The following NFYC variants were observed in gnomAD, a reference collection of about 807,000 sequenced individuals.
NFYC encodes the protein nuclear transcription factor Y subunit gamma.
A neutral mutation model predicts 53.1 loss-of-function variants in NFYC; 25 were observed. That is an observed-to-expected ratio of 0.47 (90% CI 0.34 to 0.66). The LOEUF (loss-of-function observed/expected upper bound fraction) is 0.66, where lower values mean the gene tolerates loss of function less well. Among genes scored for constraint, NFYC ranks in the 30% least tolerant of loss-of-function variants. The probability of loss-of-function intolerance (pLI) is 0.01; values close to 1 mark genes in which losing one functional copy is unlikely to be tolerated. For synonymous variants in NFYC, 145 were observed against 152.6 expected (o/e 0.95, Z 0.37); for missense variants, 260 against 422.7 (o/e 0.62, Z 3.38).
chr1:40,708,512 C>G (rs1643827927), intron 1 of NFYC, among the ~76,000 whole-genome samples: 1 of 152,138 alleles, frequency 6.6e-6, no homozygotes, highest in African/African-American at 2.4e-5. Flanking sequence ...GTCATTCCCC[C>G]CAACCCCTTA....
At chr1:40,696,833 T>G (rs1306538745) in intron 1 of NFYC, among the ~76,000 whole-genome samples, 1 of 152,252 alleles carries the variant, frequency 6.6e-6, no homozygotes, top group East Asian at 1.9e-4. Context: ...CTTACAGTCT[T>G]TCTTTTCATT....
chr1:40,734,922 A>G (rs1251453173), intron 1 of NFYC: 1 of 152,148 alleles, frequency 6.6e-6, no homozygotes, highest in East Asian at 1.9e-4. Context: ...CGAAGTCAGG[A>G]ATTTATAAAA....
In NFYC at chr1:40,753,086, G is replaced by A. The variant is rs1225270042; in HGVS notation, c.292-65G>A. ...AAAGTCGTCTTACCTTACTTGGAGGGTATAAAGCCAAGTGAACTAGTTTCT... is the reference window on the plus strand; with the variant it reads ...AAAGTCGTCTTACCTTACTTGGAGGATATAAAGCCAAGTGAACTAGTTTCT... On this transcript the variant is annotated intron_variant, in intron 4 of 9. Coordinates refer to ENST00000447388, the MANE Select transcript of NFYC (RefSeq NM_014223.5). The A allele has an allele frequency of 5.9e-6, 7 of 1,189,390 alleles. No homozygotes were observed. In the Admixed American group the frequency reaches 1.0e-4, roughly 18 times the overall value. 73.7% of individuals were successfully genotyped at this position (1,189,390 alleles called of 1,614,324 possible). A position where few individuals can be genotyped will look rare whatever the true frequency, so the allele number is the denominator to read the frequency against.
chr1:40,754,449 G>T (rs757762066), intron 5 of NFYC: 22 of 533,458 alleles, frequency 4.1e-5, no homozygotes, highest in Non-Finnish European at 6.9e-5. Flanking sequence ...GGCTGCCACG[G>T]TCGTCCCCAG....
At chr1:40,744,320 C>G (rs1401153916) in intron 2 of NFYC, among the ~76,000 whole-genome samples, 1 of 152,228 alleles carries the variant, frequency 6.6e-6, no homozygotes, top group African/African-American at 2.4e-5. Context: ...GTTCCTGATT[C>G]AGTTGGTCTC....
intron 5 of NFYC, among the ~76,000 whole-genome samples, chr1:40,754,901 T>G (rs1174612608): frequency 6.6e-6 from 1 of 152,220 alleles, no homozygotes. Context: ...AAACAGCTTC[T>G]TGTTGCTTGG....
At chr1:40,704,972 A>G (rs1643625148) in intron 1 of NFYC, among the ~76,000 whole-genome samples, 1 of 152,202 alleles carries the variant, frequency 6.6e-6, no homozygotes, top group African/African-American at 2.4e-5. Context: ...CTGAACCTTA[A>G]CCGTCTATAA....
At chr1:40,729,982 C>T (rs1366011015) in intron 1 of NFYC, among the ~76,000 whole-genome samples, 1 of 151,948 alleles carries the variant, frequency 6.6e-6, no homozygotes, top group African/African-American at 2.4e-5. Flanking sequence ...AGCCCCATAT[C>T]AGCTTTTGAT....
At chr1:40,737,146 AAAAGT>A (rs1308695969) in intron 1 of NFYC, among the ~76,000 whole-genome samples, 1 of 151,374 alleles carries the variant, frequency 6.6e-6, no homozygotes, top group African/African-American at 2.4e-5. Flanking sequence ...AAAAAAAAAA[AAAAGT>A]CAAAATCCCA....
At chr1:40,714,567 A>G (rs2148465835) in intron 1 of NFYC, among the ~76,000 whole-genome samples, 1 of 152,320 alleles carries the variant, frequency 6.6e-6, no homozygotes, top group Admixed American at 6.5e-5. Flanking sequence ...TATAATAGAC[A>G]TAGCTGGATA....
At position 40,769,876 on chromosome 1, in the gene NFYC, C is replaced by T. The variant is rs75439970; in HGVS notation, c.888+461C>T. On this transcript the variant is annotated intron_variant, in intron 9 of 9. Transcript: ENST00000447388. ...GAAATTCAGTCATTTTCAGTCCATGCGAGGAGAGAATCTTCCCTTTTCCCT... is the reference window on the plus strand; with the variant it reads ...GAAATTCAGTCATTTTCAGTCCATGTGAGGAGAGAATCTTCCCTTTTCCCT... Among the ~76,000 whole-genome samples, 182 of 152,282 alleles carry T rather than the reference C, an allele frequency of 1.2e-3. 2 individuals are homozygous for T. The East Asian group carries it at 0.031, about 26-fold the overall frequency.
At chr1:40,735,690 A>G in intron 1 of NFYC, 1 of 985,382 alleles carries the variant, frequency 1.0e-6, no homozygotes, top group Middle Eastern at 5.2e-4. Flanking sequence ...CTTTGACCTT[A>G]GCAGTTTGCA....
intron 6 of NFYC, among the ~76,000 whole-genome samples, chr1:40,759,073 A>C (rs974102933): frequency 1.3e-5 from 2 of 152,208 alleles, no homozygotes; most frequent in Admixed American, 1.3e-4. Flanking sequence ...AAAGGAACAC[A>C]TTAAAAGAAG....
intron 1 of NFYC, among the ~76,000 whole-genome samples, chr1:40,698,321 C>T (rs1643257682): frequency 6.6e-6 from 1 of 151,462 alleles, no homozygotes; most frequent in Admixed American, 6.6e-5. Context: ...GAGATCATGC[C>T]CCTGCACTCC....
intron 6 of NFYC, chr1:40,758,517 A>G (rs1646355707): frequency 2.1e-6 from 1 of 483,608 alleles, no homozygotes; most frequent in South Asian, 3.9e-5. Context: ...AAAGTGTACT[A>G]GACAGTATGT....
intron 8 of NFYC, among the ~76,000 whole-genome samples, chr1:40,768,001 G>GT (rs1408424799): frequency 6.6e-6 from 1 of 152,098 alleles, no homozygotes; most frequent in East Asian, 1.9e-4. Flanking sequence ...AAAAAAGTCC[G>GT]TTTTGGGAAC....
chr1:40,756,701 T>G (rs1006025517), intron 5 of NFYC, among the ~76,000 whole-genome samples: 3 of 152,180 alleles, frequency 2.0e-5, no homozygotes, highest in African/African-American at 7.2e-5. Flanking sequence ...TAACAGCTGT[T>G]GGGTTTAAGA....
At chr1:40,764,321 T>G (rs1190068616) in intron 7 of NFYC, among the ~76,000 whole-genome samples, 1 of 152,232 alleles carries the variant, frequency 6.6e-6, no homozygotes, top group Non-Finnish European at 1.5e-5. Flanking sequence ...TAGGAATTGT[T>G]CTTCATCTGA....
intron 1 of NFYC, among the ~76,000 whole-genome samples, chr1:40,731,487 TC>T (rs1315998162): frequency 6.6e-5 from 10 of 150,968 alleles, no homozygotes; most frequent in African/African-American, 2.4e-4. Context: ...TTTTTCTTTT[TC>T]TTTTGGCGGG....
Sources: gnomAD v4.1 joint callset for allele counts (sites outside exome capture counted in the v4.1 genomes callset) on GRCh38, gnomAD v4.1.1 for gene constraint, MANE v1.5 for transcripts, NCBI Gene and HGNC (gene_info 2026-07-23, HGNC 2026-07-21) for gene names.